ITSN2: variants seen among roughly 807,000 people sequenced by gnomAD.
The protein encoded by ITSN2 is intersectin-2.
Under a neutral mutation model 243.7 loss-of-function variants are expected in ITSN2, and 156 were observed. That is an observed-to-expected ratio of 0.64 (90% CI 0.56 to 0.73). The LOEUF (loss-of-function observed/expected upper bound fraction) is 0.73. ITSN2 is among the 30% of genes least tolerant of loss of function. The probability of loss-of-function intolerance (pLI) is 0.00; values close to 1 mark genes in which losing one functional copy is unlikely to be tolerated. For synonymous variants in ITSN2, 703 were observed against 699.9 expected, an observed-to-expected ratio of 1.00 and a Z score of -0.07; for missense variants, 1,801 against 1,996.1, an observed-to-expected ratio of 0.90 and a Z score of 1.86.
Position 24,313,462 on chromosome 2 carries a change from T to C in ITSN2, c.186A>G (p.Ile62Met). 6.2e-7 allele frequency: 1 copy of C among 1,612,438 alleles called. No individual in the cohort carries two copies. The highest frequency in any genetic ancestry group is 1.3e-5 in the African/African-American group (1 of 75,002). The change falls in exon 4 of 40, where the codon ATA becomes ATG. Residue 62 changes from isoleucine to methionine, a missense_variant and splice_region_variant. Transcript: ENST00000355123. ...SGLPAPVLAE[I>M]WALSDLNKDG... ...GGTTCATCTACAAAACACTTTACCA[T>C]ATTTCAGCTAAAACAGGGGCCGGCA...
chr2:24,266,767 CA>C (rs1277915920), intron 20 of ITSN2, among the ~76,000 whole-genome samples: 287 of 75,500 alleles, frequency 3.8e-3, no homozygotes, highest in Middle Eastern at 0.012. Flanking sequence ...TCCATCTCCA[CA>C]AAAAAAAAAA....
Position 24,251,309 on chromosome 2 carries a change from C to CAAAAAAAAAAAAAAAAAA in ITSN2, c.3120+1035_3120+1036insTTTTTTTTTTTTTTTTTT, listed in dbSNP as rs1553355845. ...TGGGCAACAGAACTAAACTCCATCTCAAAAAAAAAAAAAAATAAAATATAT... is the reference window on the plus strand; with the variant it reads ...TGGGCAACAGAACTAAACTCCATCTCAAAAAAAAAAAAAAAAAAAAAAAAAAAAAAAAATAAAATATAT... On this transcript the variant is annotated intron_variant, in intron 25 of 39. Coordinates refer to ENST00000355123, the MANE Select transcript of ITSN2 (RefSeq NM_006277.3). Among the ~76,000 whole-genome samples the CAAAAAAAAAAAAAAAAAA allele has an allele frequency of 3.4e-3, 75 of 22,008 alleles. 35 individuals carry two copies. The highest frequency in any genetic ancestry group is 4.4e-3 in the Non-Finnish European group (61 of 13,748). The allele number at this position is 22,008 out of a possible 152,430, so 14.4% of individuals were successfully genotyped here. A position where few individuals can be genotyped will look rare whatever the true frequency, so the allele number is the denominator to read the frequency against.
rs939456392 is a variant in ITSN2 at position 24,249,001 on chromosome 2, A to G, written c.3121-119T>C. ...AGGATTCTTTTCTCTTTAAATGAAG[A>G]TGAAAATGACAATGAACCTCATGCA... On this transcript the variant is annotated intron_variant, in intron 25 of 39. Coordinates refer to ENST00000355123, the MANE Select transcript of ITSN2 (RefSeq NM_006277.3). The surrounding 1 kb of genome is among the most constrained non-coding windows in gnomAD (Gnocchi z 4.4). 1 of 1,048,336 alleles carries G rather than the reference A, an allele frequency of 9.5e-7. No homozygotes were observed. The highest frequency in any genetic ancestry group is 2.4e-5 in the East Asian group (1 of 41,278). 64.9% of individuals were successfully genotyped at this position (1,048,336 alleles called of 1,614,324 possible).
At chr2:24,299,863 A>C (rs1681496123) in intron 12 of ITSN2, 46 bp downstream of exon 12, 2 of 1,468,370 alleles carry the variant, frequency 1.4e-6, no homozygotes, top group Non-Finnish European at 1.9e-6. Context: ...ATAGTCACTT[A>C]TTAAATGTAA....
At chr2:24,346,278 G>T (rs181123929) in intron 1 of ITSN2, among the ~76,000 whole-genome samples, 61 of 152,338 alleles carry the variant, frequency 4.0e-4, no homozygotes, top group Non-Finnish European at 1.3e-4. Context: ...TTGATAAGAT[G>T]AAAGTATCAT....
chr2:24,234,035 A>C (rs547050156), intron 29 of ITSN2, among the ~76,000 whole-genome samples: 3 of 152,350 alleles, frequency 2.0e-5, no homozygotes, highest in Non-Finnish European at 4.4e-5. Context: ...AAATTAAAGG[A>C]GAAGAATAAA....
Position 24,278,602 on chromosome 2 carries a change from A to G in ITSN2, c.1945-2753T>C, listed in dbSNP as rs75864802. ...TTGCTACACATAATAGTTAAGCAAG[A>G]AAAAAATAAACCAATCAGAATTCAT... On this transcript the variant is annotated intron_variant, in intron 17 of 39. Coordinates refer to ENST00000355123, the MANE Select transcript of ITSN2 (RefSeq NM_006277.3). Among the ~76,000 whole-genome samples the G allele has an allele frequency of 2.6e-3, 394 of 152,126 alleles. 4 individuals carry two copies. The highest frequency in any genetic ancestry group is 9.1e-3 in the African/African-American group (379 of 41,480).
chr2:24,328,143 A>G, intron 1 of ITSN2, 28 bp from the exon 2 acceptor site: 2 of 1,544,284 alleles, frequency 1.3e-6, no homozygotes. Flanking sequence ...TGTGCCGTTG[A>G]TAATACAACA....
intron 29 of ITSN2, among the ~76,000 whole-genome samples, chr2:24,243,348 T>G (rs1187316092): frequency 2.6e-5 from 4 of 152,144 alleles, no homozygotes; most frequent in Non-Finnish European, 5.9e-5. Context: ...ATTTCTTAAA[T>G]GAACAGTGGG....
chr2:24,337,653 T>G (rs1686607423), intron 1 of ITSN2, among the ~76,000 whole-genome samples: 1 of 145,784 alleles, frequency 6.9e-6, no homozygotes, highest in African/African-American at 2.5e-5. Context: ...CCTGGCTTTT[T>G]TTTTTTTTTT....
intron 17 of ITSN2, among the ~76,000 whole-genome samples, chr2:24,281,231 T>C (rs1253886897): frequency 1.3e-5 from 2 of 152,178 alleles, no homozygotes; most frequent in Non-Finnish European, 2.9e-5. Context: ...GGTTTCATCA[T>C]GTTGGCCAGG....
Position 24,261,223 on chromosome 2 carries a change from T to C in ITSN2, c.2565A>G (p.Ser855=), listed in dbSNP as rs1675806465. ...AAGATACATTTTGATAATCAGTCAC[T>C]GATGCTGGTTGATTTGAAGAAAGTG... ...SEPLSSNQPA[S]VTDYQNVSFS... Residue 855 remains serine, a synonymous_variant, in exon 22 of 40, where the codon TCA becomes TCG. Coordinates refer to ENST00000355123, the MANE Select transcript of ITSN2 (RefSeq NM_006277.3). The C allele has an allele frequency of 1.2e-6, 2 of 1,611,722 alleles. No homozygotes were observed. Among genetic ancestry groups the C allele is most frequent in the South Asian group, 2.2e-5 (2 of 90,900 alleles).
rs987223184 is a variant in ITSN2 at position 24,300,186 on chromosome 2, C to A, written c.1082-15G>T. The stretch of plus-strand genomic sequence containing the variant: ...CTCAAAAGTAACTGAACAAGGTATG[C>A]CTATCAGCATCCACACACATTAACA... On this transcript the variant is annotated splice_polypyrimidine_tract_variant and intron_variant, in intron 11 of 39. Coordinates refer to ENST00000355123, the MANE Select transcript of ITSN2 (RefSeq NM_006277.3). 12 of 1,613,310 alleles carry A rather than the reference C, an allele frequency of 7.4e-6. No individual in the cohort carries two copies. The Admixed American group carries it at 1.8e-4, about 25-fold the overall frequency.
intron 8 of ITSN2, among the ~76,000 whole-genome samples, chr2:24,307,827 T>C (rs573545909): frequency 6.6e-6 from 1 of 152,324 alleles, no homozygotes; most frequent in East Asian, 1.9e-4. Context: ...TTTGTCACCA[T>C]CAAATGCCCC....
At chr2:24,309,058 C>CT in intron 7 of ITSN2, 1 of 256,230 alleles carries the variant, frequency 3.9e-6, no homozygotes, top group Admixed American at 4.1e-5. Flanking sequence ...AATCTAATGC[C>CT]TGATGATCTG....
chr2:24,320,949 G>A lies in ITSN2; in HGVS notation c.32-5725C>T, dbSNP rs140017526. Among the ~76,000 whole-genome samples, 1,387 of 152,228 alleles carry A rather than the reference G, an allele frequency of 9.1e-3. 11 individuals are homozygous for A. The highest frequency in any genetic ancestry group is 0.014 in the Non-Finnish European group (941 of 68,006). ...AATAAATCAGACTTAGTCCCAGCCC[G>A]TTTTGTCAGATTAATCGGAGTGGCC... is the stretch of plus-strand genomic sequence containing the variant. On this transcript the variant is annotated intron_variant, in intron 2 of 39. Transcript: ENST00000355123.
chr2:24,254,476 A>G, intron 23 of ITSN2, 45 bp from the exon 24 acceptor site: 1 of 1,457,132 alleles, frequency 6.9e-7, no homozygotes. Context: ...AACAAATACA[A>G]GCAAAAATAA....
intron 1 of ITSN2, among the ~76,000 whole-genome samples, chr2:24,347,648 T>C (rs1389019999): frequency 6.6e-6 from 1 of 151,660 alleles, no homozygotes; most frequent in Non-Finnish European, 1.5e-5. Flanking sequence ...ATCGCACCAT[T>C]GCACTCCACC....
chr2:24,243,267 T>C (rs1672952206), intron 29 of ITSN2, among the ~76,000 whole-genome samples: 1 of 152,190 alleles, frequency 6.6e-6, no homozygotes, highest in Non-Finnish European at 1.5e-5. Context: ...GAATGGATTG[T>C]CTTGTCTTGT....
Sources: gnomAD v4.1 joint callset for allele counts (sites outside exome capture counted in the v4.1 genomes callset) on GRCh38, gnomAD v4.1.1 for gene constraint, Gnocchi (gnomAD v3.1) non-coding constraint, MANE v1.5 for transcripts, NCBI Gene and HGNC (gene_info 2026-07-23, HGNC 2026-07-21) for gene names.